The following CDH12 variants were observed in gnomAD, a reference collection of about 807,000 sequenced individuals.
CDH12 encodes cadherin-12.
In CDH12, 41 loss-of-function variants were observed where a neutral mutation model predicts 74.1. The observed-to-expected ratio is 0.55, with a 90% confidence interval of 0.43 to 0.72. The LOEUF (loss-of-function observed/expected upper bound fraction) is 0.72, where lower values mean the gene tolerates loss of function less well. Ranked by LOEUF, CDH12 falls within the 30% of genes least tolerant of loss-of-function variation. CDH12 has a pLI of 0.00. For missense variants in CDH12, 945 were observed against 977.2 expected (o/e 0.97, Z 0.44); for synonymous variants, 399 against 355.0 (o/e 1.12, Z -1.39).
chr5:22,760,111 T>C (rs1746129725), intron 1 of CDH12, among the ~76,000 whole-genome samples: 1 of 152,212 alleles, frequency 6.6e-6, no homozygotes, highest in Non-Finnish European at 1.5e-5. Flanking sequence ...CACATGAAAT[T>C]AACCATTGCA....
At chr5:22,585,695 AC>A (rs1289282712) in intron 1 of CDH12, among the ~76,000 whole-genome samples, 1 of 150,914 alleles carries the variant, frequency 6.6e-6, no homozygotes, top group African/African-American at 2.4e-5. Flanking sequence ...CTGCCCTTAA[AC>A]CCGTCCAGTG....
At chr5:22,717,303 A>C (rs1743629797) in intron 1 of CDH12, among the ~76,000 whole-genome samples, 1 of 152,152 alleles carries the variant, frequency 6.6e-6, no homozygotes, top group Non-Finnish European at 1.5e-5. Context: ...AAATACACAA[A>C]AATATTTACC....
At chr5:22,513,098 G>A (rs1736678633) in intron 1 of CDH12, among the ~76,000 whole-genome samples, 1 of 152,094 alleles carries the variant, frequency 6.6e-6, no homozygotes, top group African/African-American at 2.4e-5. Context: ...AAAACACCAT[G>A]TTATAAAAGA....
intron 5 of CDH12, among the ~76,000 whole-genome samples, chr5:22,070,801 A>T (rs1741889147): frequency 6.6e-6 from 1 of 152,228 alleles, no homozygotes; most frequent in African/African-American, 2.4e-5. Context: ...GCAGCCATAA[A>T]AAGAAACAAG....
At chr5:21,781,180 A>G (rs1745886489) in intron 11 of CDH12, among the ~76,000 whole-genome samples, 1 of 152,122 alleles carries the variant, frequency 6.6e-6, no homozygotes, top group Admixed American at 6.5e-5. Context: ...TGAATTTCCC[A>G]TGGTCAGCTG....
intron 3 of CDH12, among the ~76,000 whole-genome samples, chr5:22,383,346 A>C (rs2126391208): frequency 6.6e-6 from 1 of 152,346 alleles, no homozygotes; most frequent in South Asian, 2.1e-4. Context: ...AGAATAAGAT[A>C]TACACACAAA....
intron 6 of CDH12, among the ~76,000 whole-genome samples, chr5:21,958,056 G>T (rs909612097): frequency 5.3e-5 from 8 of 151,912 alleles, no homozygotes. Context: ...CTGTTCTTGT[G>T]ATAGTGAATG....
intron 1 of CDH12, among the ~76,000 whole-genome samples, chr5:22,603,243 A>C (rs189090076): frequency 1.7e-4 from 26 of 152,340 alleles, no homozygotes; most frequent in Admixed American, 1.5e-3. Context: ...AACTATTGAA[A>C]AAAAATAAAA....
intron 3 of CDH12, among the ~76,000 whole-genome samples, chr5:22,306,183 T>C (rs1395848419): frequency 6.6e-6 from 1 of 152,246 alleles, no homozygotes; most frequent in Non-Finnish European, 1.5e-5. Flanking sequence ...CAATTTATAC[T>C]GTTCTTTGAA....
At chr5:22,031,140 C>T (rs1333240623) in intron 5 of CDH12, among the ~76,000 whole-genome samples, 1 of 152,020 alleles carries the variant, frequency 6.6e-6, no homozygotes, top group Admixed American at 6.6e-5. Context: ...CGAGACCAGC[C>T]TGGCCAACAT....
intron 2 of CDH12, among the ~76,000 whole-genome samples, chr5:22,475,808 C>T (rs1297467358): frequency 6.6e-6 from 1 of 151,942 alleles, no homozygotes; most frequent in Non-Finnish European, 1.5e-5. Context: ...ATTCTAAATG[C>T]AAATTTTGAA....
chr5:22,456,207 C>T (rs1279881873), intron 2 of CDH12, among the ~76,000 whole-genome samples: 1 of 149,084 alleles, frequency 6.7e-6, no homozygotes, highest in Non-Finnish European at 1.5e-5. Context: ...TTTGAGTATT[C>T]ATTACAATGC....
intron 7 of CDH12, among the ~76,000 whole-genome samples, chr5:21,849,730 C>A (rs1370135882): frequency 1.3e-5 from 2 of 151,734 alleles, no homozygotes; most frequent in Non-Finnish European, 3.0e-5. Context: ...TTACTCAGTT[C>A]TACAGATTTT....
rs1561003128 is a variant in CDH12, at chr5:21,994,316, G to GAGA, written c.232-18932_232-18931insTCT. 1.3e-4 allele frequency among the ~76,000 whole-genome samples: 20 copies of GAGA among 151,644 alleles called. 1 individual carries two copies. The highest frequency in any genetic ancestry group is 1.5e-5 in the Non-Finnish European group (1 of 67,980). On this transcript the variant is annotated intron_variant, in intron 5 of 14. Coordinates refer to ENST00000382254, the MANE Select transcript of CDH12 (RefSeq NM_004061.5). ...GACAGAGGTAAGAAAATTAAGAAAA[G>GAGA]AAGAAAGGAGTTCTGACAACATCAT... is the stretch of plus-strand genomic sequence containing the variant.
intron 1 of CDH12, among the ~76,000 whole-genome samples, chr5:22,637,824 AAGTT>A (rs760154966): frequency 8.1e-4 from 124 of 152,242 alleles, no homozygotes; most frequent in Non-Finnish European, 1.1e-3. Flanking sequence ...AGAAAAAAAT[AAGTT>A]AGTAATGTCT....
intron 1 of CDH12, among the ~76,000 whole-genome samples, chr5:22,565,896 G>C (rs1349420812): frequency 6.6e-6 from 1 of 151,744 alleles, no homozygotes; most frequent in African/African-American, 2.4e-5. Context: ...ATTCTATGAA[G>C]CCATAAGAAG....
intron 1 of CDH12, among the ~76,000 whole-genome samples, chr5:22,828,484 C>T (rs1001937450): frequency 2.6e-5 from 4 of 152,142 alleles, no homozygotes; most frequent in African/African-American, 9.7e-5. Flanking sequence ...TATATACATA[C>T]TTCTGGTTGA....
At chr5:22,240,987 A>C (rs1194800340) in intron 3 of CDH12, among the ~76,000 whole-genome samples, 2 of 152,148 alleles carry the variant, frequency 1.3e-5, no homozygotes, top group Non-Finnish European at 2.9e-5. Context: ...GAGAAGAGAA[A>C]GAATGGAGGA....
intron 6 of CDH12, among the ~76,000 whole-genome samples, chr5:21,890,083 G>A (rs1752829901): frequency 6.6e-6 from 1 of 152,112 alleles, no homozygotes; most frequent in African/African-American, 2.4e-5. Context: ...ATCAACTTCA[G>A]AAAAATTCTG....
Sources: allele counts gnomAD v4.1 joint callset (sites outside exome capture counted in the v4.1 genomes callset), GRCh38; gene constraint gnomAD v4.1.1; transcripts MANE v1.5; gene names NCBI Gene and HGNC (gene_info 2026-07-23, HGNC 2026-07-21).